Variants in MECR observed in about 807,000 individuals in gnomAD.
MECR encodes mitochondrial trans-2-enoyl-CoA reductase.
MECR carries 37 observed loss-of-function variants against 49.1 expected under a neutral mutation model. The ratio of observed to expected loss-of-function variants is 0.75; its 90% CI spans 0.58 to 0.99. The LOEUF (loss-of-function observed/expected upper bound fraction) is 0.99, where lower values mean the gene tolerates loss of function less well. Ranked by LOEUF, MECR falls within the 50% of genes least tolerant of loss-of-function variation. MECR has a pLI of 0.00. For synonymous variants in MECR, 198 were observed against 191.1 expected (o/e 1.04, Z -0.30); for missense variants, 470 against 479.6 (o/e 0.98, Z 0.19).
At chr1:29,198,883 C>T (rs1423886431) in intron 7 of MECR, among the ~76,000 whole-genome samples, 2 of 152,174 alleles carry the variant, frequency 1.3e-5, no homozygotes, top group Admixed American at 1.3e-4. Context: ...TCCCAAAGTG[C>T]TAGGTTTACA....
intron 1 of MECR, chr1:29,223,576 T>A (rs765958307): frequency 6.6e-6 from 1 of 152,384 alleles, no homozygotes; most frequent in Non-Finnish European, 1.5e-5. Context: ...AATGTTTGTG[T>A]CATCACAGGG....
the MECR span, among the ~76,000 whole-genome samples, chr1:29,173,943 C>T: frequency 3.3e-5 from 5 of 151,512 alleles, no homozygotes; most frequent in South Asian, 1.0e-3. Flanking sequence ...AATCCCAGCA[C>T]TTTGGGAGGA....
rs766595929 is a variant in MECR, at chr1:29,215,999, A to G, written c.406+6T>C. 1 of 1,613,738 alleles carries G rather than the reference A, an allele frequency of 6.2e-7. No individual in the cohort carries two copies. The highest frequency in any genetic ancestry group is 1.1e-5 in the South Asian group (1 of 91,040). ...GAATAGGCAGCTGACACCTGGAGAA[A>G]CTCACCTAAACCAGCATTTGCTGGA... On this transcript the variant is annotated splice_donor_region_variant and intron_variant, in intron 3 of 9. Coordinates refer to ENST00000263702, the MANE Select transcript of MECR (RefSeq NM_016011.5).
chr1:29,228,007 A>G (rs1365207354), intron 1 of MECR, among the ~76,000 whole-genome samples: 1 of 152,042 alleles, frequency 6.6e-6, no homozygotes, highest in Non-Finnish European at 1.5e-5. Flanking sequence ...AAAAAAACAG[A>G]AGCTCCAAGC....
the MECR span, among the ~76,000 whole-genome samples, chr1:29,185,395 C>A: frequency 6.7e-6 from 1 of 148,308 alleles, no homozygotes; most frequent in Non-Finnish European, 1.5e-5. Flanking sequence ...ACTACAGGCC[C>A]GTGCCACCAT....
rs1675244192 is a variant in MECR at position 29,201,239 on chromosome 1, T to C, written c.757-650A>G. On this transcript the variant is annotated intron_variant, in intron 6 of 9. Coordinates refer to ENST00000263702, the MANE Select transcript of MECR (RefSeq NM_016011.5). The surrounding 1 kb of genome is among the most constrained non-coding windows in gnomAD (Gnocchi z 4.3). Reference sequence around the variant, plus strand: ...CTCCCTGTGTGCCCCCCTTTTCAGTTCTTTGACTCAGCTGATATTATATAT... The same window carrying C: ...CTCCCTGTGTGCCCCCCTTTTCAGTCCTTTGACTCAGCTGATATTATATAT... 2.8e-6 allele frequency: 1 copy of C among 355,608 alleles called. No individual in the cohort carries two copies. Among genetic ancestry groups the C allele is most frequent in the Middle Eastern group, 5.7e-4 (1 of 1,766 alleles). 22.0% of individuals were successfully genotyped at this position (355,608 alleles called of 1,614,324 possible).
intron 1 of MECR, among the ~76,000 whole-genome samples, chr1:29,226,940 T>C (rs1019290824): frequency 3.3e-5 from 5 of 151,178 alleles, no homozygotes; most frequent in Non-Finnish European, 7.4e-5. Context: ...ACTAAGCGTT[T>C]CTGGGAACTA....
chr1:29,198,415 G>C (rs1674528371), intron 7 of MECR, among the ~76,000 whole-genome samples: 1 of 152,186 alleles, frequency 6.6e-6, no homozygotes, highest in South Asian at 2.1e-4. Flanking sequence ...ACAGAGCAGG[G>C]GCTTGAACCC....
the MECR span, chr1:29,181,846 A>G: frequency 1.9e-6 from 2 of 1,068,770 alleles, no homozygotes; most frequent in Non-Finnish European, 2.5e-6. Context: ...GGCGGCGGCA[A>G]CGGGCGGGCG....
intron 3 of MECR, among the ~76,000 whole-genome samples, chr1:29,215,672 C>T (rs943183497): frequency 2.7e-5 from 4 of 149,712 alleles, no homozygotes; most frequent in African/African-American, 9.9e-5. Flanking sequence ...GAGTTTGAGA[C>T]CCAGCCTGGC....
downstream of MECR, among the ~76,000 whole-genome samples, chr1:29,189,998 G>A (rs1200385058): frequency 1.3e-5 from 2 of 152,134 alleles, no homozygotes; most frequent in East Asian, 1.9e-4. Flanking sequence ...TAAAACAGAC[G>A]CTTATTTCTC....
the MECR span, among the ~76,000 whole-genome samples, chr1:29,174,213 A>G: frequency 5.2e-3 from 1 of 194 alleles, no homozygotes; most frequent in African/African-American, 5.6e-3. Context: ...AAGAAAAAAG[A>G]AAAAAAAAAA....
chr1:29,170,029 T>C, the MECR span: 1 of 152,236 alleles, frequency 6.6e-6, no homozygotes, highest in African/African-American at 2.4e-5. Context: ...CAAACTATCA[T>C]TACCCCCTGC....
chr1:29,201,379 A>G lies in MECR; in HGVS notation c.756+564T>C, dbSNP rs1440618286. 1 of 532,820 alleles carries G rather than the reference A, an allele frequency of 1.9e-6. No homozygotes were observed. The highest frequency in any genetic ancestry group is 5.4e-5 in the East Asian group (1 of 18,352). 33.0% of individuals were successfully genotyped at this position (532,820 alleles called of 1,614,324 possible). ...CTGAGGGTCTGGTCACTTACTAGGC[A>G]TGTTGTGGGGTGGAGGTTCTGGAAG... On this transcript the variant is annotated intron_variant, in intron 6 of 9. Transcript: ENST00000263702. The surrounding 1 kb of genome is among the most constrained non-coding windows in gnomAD (Gnocchi z 4.3).
chr1:29,228,563 A>G (rs1682681004), intron 1 of MECR, among the ~76,000 whole-genome samples: 1 of 152,024 alleles, frequency 6.6e-6, no homozygotes, highest in Non-Finnish European at 1.5e-5. Flanking sequence ...TGATCTGCCC[A>G]TGTTAGCCTC....
chr1:29,172,724 A>G, the MECR span: 1 of 152,330 alleles, frequency 6.6e-6, no homozygotes, highest in South Asian at 2.1e-4. Flanking sequence ...GAGATACTTG[A>G]ATATGTTCAC....
intron 1 of MECR, among the ~76,000 whole-genome samples, chr1:29,222,500 C>T (rs960531367): frequency 2.0e-5 from 3 of 152,100 alleles, no homozygotes; most frequent in East Asian, 1.9e-4. Flanking sequence ...TGAGAAGTCC[C>T]GGAATAAAGA....
the MECR span, among the ~76,000 whole-genome samples, chr1:29,174,405 A>G: frequency 1.3e-5 from 2 of 152,212 alleles, no homozygotes; most frequent in Non-Finnish European, 2.9e-5. Flanking sequence ...ACAGTATTAT[A>G]CATGCATAAA....
chr1:29,182,912 C>G, the MECR span, among the ~76,000 whole-genome samples: 1 of 152,208 alleles, frequency 6.6e-6, no homozygotes, highest in African/African-American at 2.4e-5. Flanking sequence ...ACACAGGTCA[C>G]TAAATGGGGT....
Sources: gnomAD v4.1 joint callset for allele counts (sites outside exome capture counted in the v4.1 genomes callset) on GRCh38, gnomAD v4.1.1 for gene constraint, Gnocchi (gnomAD v3.1) non-coding constraint, MANE v1.5 for transcripts, NCBI Gene and HGNC (gene_info 2026-07-23, HGNC 2026-07-21) for gene names.